Variants in TSHZ3 observed in about 807,000 individuals in gnomAD.
TSHZ3 encodes teashirt zinc finger homeobox 3, also known as teashirt homolog 3.
A neutral mutation model predicts 64.5 loss-of-function variants in TSHZ3; 10 were observed. The observed-to-expected ratio is 0.16, with a 90% CI of 0.10 to 0.26. The LOEUF (loss-of-function observed/expected upper bound fraction) is 0.26, where lower values mean the gene tolerates loss of function less well. TSHZ3 is among the 10% of genes least tolerant of loss of function. TSHZ3 has a pLI of 1.00. For missense variants in TSHZ3, 1,242 were observed against 1,421.7 expected (o/e 0.87, Z 2.03); for synonymous variants, 608 against 593.1 (o/e 1.03, Z -0.36).
intron 5 of TSHZ3, among the ~76,000 whole-genome samples, chr19:31,172,087 G>T (rs1974543997): frequency 6.6e-6 from 1 of 152,170 alleles, no homozygotes; most frequent in South Asian, 2.1e-4. Flanking sequence ...GAGAGACCTG[G>T]TCTGGAGGTA....
chr19:31,299,291 G>A (rs1976716183), intron 1 of TSHZ3, among the ~76,000 whole-genome samples: 1 of 152,170 alleles, frequency 6.6e-6, no homozygotes, highest in South Asian at 2.1e-4. Flanking sequence ...AGGTGTGCTT[G>A]GTGAGTCTGT....
intron 1 of TSHZ3, among the ~76,000 whole-genome samples, chr19:31,314,492 C>T (rs1011155123): frequency 3.9e-5 from 6 of 152,174 alleles, no homozygotes; most frequent in Non-Finnish European, 7.3e-5. Flanking sequence ...TTCTCAGGGC[C>T]GGGTTTCTGA....
chr19:31,197,866 T>C (rs1378622348), intron 5 of TSHZ3, among the ~76,000 whole-genome samples: 1 of 152,030 alleles, frequency 6.6e-6, no homozygotes, highest in African/African-American at 2.4e-5. Flanking sequence ...TTCTATCAAA[T>C]ATTTAAGAGA....
At position 31,280,104 on chromosome 19, in the gene TSHZ3, A is replaced by T. The variant is rs1976336025; in HGVS notation, c.41-352T>A. Reference sequence around the variant, plus strand: ...CTAAAGTAATAAATTACTTGTATCAACCTCAGAGACAGCAGTTCCTGTCTG... The same window carrying T: ...CTAAAGTAATAAATTACTTGTATCATCCTCAGAGACAGCAGTTCCTGTCTG... On this transcript the variant is annotated intron_variant, in intron 1 of 1. Transcript: ENST00000240587. 3.3e-5 allele frequency among the ~76,000 whole-genome samples: 5 copies of T among 152,128 alleles called. No individual in the cohort carries two copies. In the South Asian group the frequency reaches 1.0e-3, roughly 32 times the overall value.
intron 1 of TSHZ3, among the ~76,000 whole-genome samples, chr19:31,248,783 T>A: frequency 7.3e-6 from 1 of 136,526 alleles, no homozygotes; most frequent in Admixed American, 7.4e-5. Context: ...AGCCAGACCC[T>A]GTTTGAAAAA....
chr19:31,164,332 G>T (rs1211866936), intron 5 of TSHZ3, among the ~76,000 whole-genome samples: 1 of 152,100 alleles, frequency 6.6e-6, no homozygotes, highest in African/African-American at 2.4e-5. Context: ...CCCAACAAGA[G>T]CCCCTGGAAG....
At chr19:31,280,754 C>T (rs987420609) in intron 1 of TSHZ3, among the ~76,000 whole-genome samples, 5 of 152,214 alleles carry the variant, frequency 3.3e-5, no homozygotes, top group Admixed American at 2.0e-4. Context: ...TGCATTCCCA[C>T]GCAGGTGGAG....
intron 5 of TSHZ3, among the ~76,000 whole-genome samples, chr19:31,184,976 A>T (rs967076387): frequency 6.6e-6 from 1 of 152,182 alleles, no homozygotes; most frequent in Non-Finnish European, 1.5e-5. Flanking sequence ...GCTCAGTTAC[A>T]ACCTCTGTGC....
intron 1 of TSHZ3, among the ~76,000 whole-genome samples, chr19:31,347,026 G>A (rs922045742): frequency 6.6e-6 from 1 of 152,104 alleles, no homozygotes; most frequent in African/African-American, 2.4e-5. Flanking sequence ...TGATGAATGT[G>A]CCTGTCAGGA....
intron 5 of TSHZ3, among the ~76,000 whole-genome samples, chr19:31,188,416 A>G (rs1157784599): frequency 6.6e-6 from 1 of 151,892 alleles, no homozygotes; most frequent in Non-Finnish European, 1.5e-5. Flanking sequence ...TTTAGCATGG[A>G]TGTGATGAAA....
intron 1 of TSHZ3, among the ~76,000 whole-genome samples, chr19:31,338,681 C>T (rs1293707499): frequency 6.8e-6 from 1 of 146,346 alleles, no homozygotes; most frequent in Non-Finnish European, 1.5e-5. Flanking sequence ...ATGTTTTGTA[C>T]GTGACTGCTT....
downstream of TSHZ3, among the ~76,000 whole-genome samples, chr19:31,273,603 T>C (rs1000776058): frequency 3.9e-5 from 6 of 152,216 alleles, no homozygotes; most frequent in Non-Finnish European, 5.9e-5. Context: ...AATAAACCGA[T>C]GCTATATTTA....
At chr19:31,281,549 G>C (rs1393972982) in intron 1 of TSHZ3, among the ~76,000 whole-genome samples, 1 of 152,162 alleles carries the variant, frequency 6.6e-6, no homozygotes, top group Admixed American at 6.5e-5. Context: ...CCCTGCTGCA[G>C]TCAGCTGAGT....
chr19:31,336,610 T>C lies in TSHZ3; in HGVS notation c.40+12570A>G, dbSNP rs1003332923. The stretch of plus-strand genomic sequence containing the variant: ...CGAAGTTTCAGACCCACCAGAACTG[T>C]AGAAGGGCATCGGATCCTGGTCAGC... On this transcript the variant is annotated intron_variant, in intron 1 of 1. Transcript: ENST00000240587. 5.3e-5 allele frequency among the ~76,000 whole-genome samples: 8 copies of C among 152,180 alleles called. No homozygotes were observed. The East Asian group carries it at 1.5e-3, about 29-fold the overall frequency.
intron 1 of TSHZ3, among the ~76,000 whole-genome samples, chr19:31,304,208 C>T (rs1419753638): frequency 6.6e-6 from 1 of 152,180 alleles, no homozygotes; most frequent in Non-Finnish European, 1.5e-5. Context: ...CTTCTGACCT[C>T]GTGATCTGCC....
intron 1 of TSHZ3, among the ~76,000 whole-genome samples, chr19:31,244,705 A>G (rs1975738119): frequency 1.3e-5 from 2 of 152,100 alleles, no homozygotes; most frequent in Admixed American, 6.6e-5. Context: ...GTGCAGAGGC[A>G]TGATCTCAGC....
intron 5 of TSHZ3, among the ~76,000 whole-genome samples, chr19:31,184,499 A>T (rs1017431892): frequency 6.6e-6 from 1 of 152,208 alleles, no homozygotes; most frequent in Non-Finnish European, 1.5e-5. Flanking sequence ...GGGTGATTAC[A>T]GCCTCATCTG....
At chr19:31,163,837 C>G (rs1354302481) in intron 5 of TSHZ3, among the ~76,000 whole-genome samples, 2 of 152,152 alleles carry the variant, frequency 1.3e-5, no homozygotes, top group Admixed American at 6.5e-5. Context: ...CACCAATAAT[C>G]CCATCAAGAA....
Position 31,277,549 on chromosome 19 carries a change from G to A in TSHZ3, c.2244C>T (p.Ser748=). 1 of 1,601,550 alleles carries A rather than the reference G, an allele frequency of 6.2e-7. No homozygotes were observed. Among genetic ancestry groups the A allele is most frequent in the Non-Finnish European group, 8.5e-7 (1 of 1,172,702 alleles). ...KPSLPALDPM[S]MLFKMSNSLA... ...GGCTGTTGCTCATCTTGAAAAGCAT[G>A]CTCATGGGGTCCAGGGCAGGCAGGG... Residue 748 remains serine, a synonymous_variant, in exon 2 of 2, where the codon AGC becomes AGT. Coordinates refer to ENST00000240587, the MANE Select transcript of TSHZ3 (RefSeq NM_020856.4). The surrounding 1 kb of genome is among the most constrained non-coding windows in gnomAD (Gnocchi z 4.5).
Sources: allele counts gnomAD v4.1 joint callset (sites outside exome capture counted in the v4.1 genomes callset), GRCh38; gene constraint gnomAD v4.1.1; non-coding constraint Gnocchi (gnomAD v3.1); transcripts MANE v1.5; gene names NCBI Gene and HGNC (gene_info 2026-07-23, HGNC 2026-07-21).